TOGARAM2: variants seen among roughly 807,000 people sequenced by gnomAD.
TOGARAM2 encodes the protein TOG array regulator of axonemal microtubules protein 2.
Under a neutral mutation model 93.3 loss-of-function variants are expected in TOGARAM2, and 85 were observed. The observed-to-expected ratio is 0.91, with a 90% confidence interval of 0.76 to 1.09. The LOEUF (loss-of-function observed/expected upper bound fraction) is 1.09. Ranked by LOEUF, TOGARAM2 falls within the 50% of genes least tolerant of loss-of-function variation. The probability of loss-of-function intolerance (pLI) is 0.00; values close to 1 mark genes in which losing one functional copy is unlikely to be tolerated. For missense variants in TOGARAM2, 1,277 were observed against 1,334.5 expected (o/e 0.96, Z 0.67); for synonymous variants, 593 against 552.8 (o/e 1.07, Z -1.02).
chr2:29,002,456 C>G, intron 4 of TOGARAM2, 80 bp from the exon 5 acceptor site: 1 of 1,286,072 alleles, frequency 7.8e-7, no homozygotes, highest in Non-Finnish European at 1.1e-6. Flanking sequence ...GGCAGAAGGC[C>G]CCGTTGCTGG....
chr2:29,026,692 C>T (rs533238892), intron 13 of TOGARAM2, among the ~76,000 whole-genome samples, 161 bp from the exon 14 acceptor site: 18 of 152,282 alleles, frequency 1.2e-4, no homozygotes, highest in African/African-American at 4.3e-4. Flanking sequence ...AGTGAGTGCT[C>T]TTTCCTCAAA....
intron 1 of TOGARAM2, among the ~76,000 whole-genome samples, chr2:28,970,508 C>G (rs560477416): frequency 4.1e-4 from 62 of 152,342 alleles, no homozygotes; most frequent in African/African-American, 1.4e-3. Flanking sequence ...GGCCTGCTCT[C>G]TGGGGCTTGT....
intron 18 of TOGARAM2, among the ~76,000 whole-genome samples, chr2:29,037,680 A>G (rs937209079): frequency 6.6e-6 from 1 of 152,136 alleles, no homozygotes; most frequent in African/African-American, 2.4e-5. Context: ...TTCAGTTACA[A>G]ATCAAAGGCC....
chr2:28,999,327 G>A lies in TOGARAM2; in HGVS notation c.286G>A (p.Ala96Thr), dbSNP rs764907736. Residue 96 changes from alanine to threonine, a missense_variant, in exon 4 of 20, where the codon GCC (alanine) becomes ACC (threonine). Physicochemically the swap from Ala to Thr is moderately conservative, Grantham distance 58. Coordinates refer to ENST00000379558, the MANE Select transcript of TOGARAM2 (RefSeq NM_199280.4). ...GAATGGTCACCCCAGGAACCTCAGG[G>A]CCTTGTCTTTGGGGGACCAGCCCCT... ...ARNGHPRNLR[A>T]LSLGDQPLVL... 55 of 1,613,884 alleles carry A rather than the reference G, an allele frequency of 3.4e-5. No individual in the cohort carries two copies. In the Admixed American group the frequency reaches 5.8e-4, roughly 17 times the overall value.
At chr2:29,012,190 C>T (rs1334822027) in intron 7 of TOGARAM2, among the ~76,000 whole-genome samples, 1 of 152,134 alleles carries the variant, frequency 6.6e-6, no homozygotes, top group African/African-American at 2.4e-5. Flanking sequence ...GGTTGGGGAG[C>T]AGAACACCCC....
At chr2:29,002,405 A>C in intron 4 of TOGARAM2, 131 bp from the exon 5 acceptor site, 2 of 749,216 alleles carry the variant, frequency 2.7e-6, no homozygotes, top group Non-Finnish European at 4.4e-6. Context: ...GGGGTTGGGG[A>C]CAGATCTGAT....
chr2:28,989,643 G>A (rs1000630469), intron 1 of TOGARAM2, among the ~76,000 whole-genome samples: 1 of 152,170 alleles, frequency 6.6e-6, no homozygotes, highest in East Asian at 1.9e-4. Flanking sequence ...GAACTCAAGC[G>A]ATCTGCCAGC....
chr2:29,032,774 T>C lies in TOGARAM2; in HGVS notation c.2013-160T>C, dbSNP rs1398114723. ...TGGTAATGGGATTATAGATGATGTTTATTTTATTAATCTATTTTTTAACTG... is the reference window on the plus strand; with the variant it reads ...TGGTAATGGGATTATAGATGATGTTCATTTTATTAATCTATTTTTTAACTG... On this transcript the variant is annotated intron_variant, in intron 14 of 19. Coordinates refer to ENST00000379558, the MANE Select transcript of TOGARAM2 (RefSeq NM_199280.4). 5.0e-6 allele frequency: 3 copies of C among 594,876 alleles called. No homozygotes were observed. In the African/African-American group the frequency reaches 5.6e-5, roughly 11 times the overall value. 36.8% of individuals were successfully genotyped at this position (594,876 alleles called of 1,614,324 possible).
At chr2:29,026,209 G>C (rs1483981015) in intron 13 of TOGARAM2, among the ~76,000 whole-genome samples, 1 of 152,076 alleles carries the variant, frequency 6.6e-6, no homozygotes, top group African/African-American at 2.4e-5. Context: ...CCTCACCCCA[G>C]TACTGTTCTC....
intron 1 of TOGARAM2, among the ~76,000 whole-genome samples, chr2:28,975,956 TATATGTACAGGA>T (rs60362235): frequency 0.67 from 102,016 of 151,748 alleles, 35,295 homozygotes; most frequent in Admixed American, 0.74. Context: ...AAAATGACAA[TATATGTACAGGA>T]ATATGTACAT....
chr2:28,959,278 A>G (rs116526116), intron 1 of TOGARAM2, among the ~76,000 whole-genome samples: 1,571 of 152,312 alleles, frequency 0.01, 18 homozygotes, highest in South Asian at 0.057. Flanking sequence ...ATAGTGAAGT[A>G]ATAGCCAAAA....
At position 29,022,258 on chromosome 2, in the gene TOGARAM2, C is replaced by T. The variant is rs1265751267; in HGVS notation, c.1461C>T (p.Asn487=). The change falls in exon 11 of 20, where the codon AAC becomes AAT. Residue 487 remains asparagine (N), a synonymous_variant. Coordinates refer to ENST00000379558, the MANE Select transcript of TOGARAM2 (RefSeq NM_199280.4). The part of the protein sequence containing the change: ...RACKELRPFS[N]PELGLRDALQ... ...GTAAGGAGTTGAGGCCTTTCTCGAACCCGGAGCTGGGGCTGAGGGATGCAC... is the reference window on the plus strand; with the variant it reads ...GTAAGGAGTTGAGGCCTTTCTCGAATCCGGAGCTGGGGCTGAGGGATGCAC... 2 of 1,613,910 alleles carry T rather than the reference C, an allele frequency of 1.2e-6. No individual in the cohort carries two copies. The highest frequency in any genetic ancestry group is 2.7e-5 in the African/African-American group (2 of 74,918).
At chr2:29,019,651 C>T (rs763184765) in intron 10 of TOGARAM2, among the ~76,000 whole-genome samples, 5 of 152,112 alleles carry the variant, frequency 3.3e-5, no homozygotes, top group Admixed American at 6.5e-5. Context: ...TTATGTTTGG[C>T]AGGTGAGCGG....
chr2:29,036,740 C>T lies in TOGARAM2; in HGVS notation c.2618C>T (p.Ala873Val), dbSNP rs150485801. Residue 873 changes from alanine to valine, a missense_variant, in exon 18 of 20, where the codon GCG becomes GTG. Coordinates refer to ENST00000379558, the MANE Select transcript of TOGARAM2 (RefSeq NM_199280.4). The stretch of plus-strand genomic sequence containing the variant: ...GCTGCTGCCGTGGCTGTGCTGGATG[C>T]GATGGTTGAGAGCCTGGGTGAGTGT... ...IYAAAVAVLD[A>V]MVESLDNLCL... 7.2e-5 allele frequency: 116 copies of T among 1,613,248 alleles called. No homozygotes were observed. The highest frequency in any genetic ancestry group is 2.9e-4 in the South Asian group (26 of 90,902).
At chr2:29,015,146 T>C (rs1664482452) in intron 8 of TOGARAM2, among the ~76,000 whole-genome samples, 1 of 152,164 alleles carries the variant, frequency 6.6e-6, no homozygotes. Context: ...TCAAGAAGCA[T>C]ATCTTGAAGG....
At chr2:29,039,569 T>C in intron 18 of TOGARAM2, among the ~76,000 whole-genome samples, 1 of 152,206 alleles carries the variant, frequency 6.6e-6, no homozygotes, top group Non-Finnish European at 1.5e-5. Context: ...TTCCCCAGGC[T>C]GGGTGGGGTT....
chr2:29,028,409 T>C (rs1193528149), intron 14 of TOGARAM2, among the ~76,000 whole-genome samples: 1 of 152,186 alleles, frequency 6.6e-6, no homozygotes, highest in Non-Finnish European at 1.5e-5. Flanking sequence ...GTGGGTCAGA[T>C]GCATGTGTGT....
At chr2:28,984,746 C>T (rs1672387205) in intron 1 of TOGARAM2, among the ~76,000 whole-genome samples, 1 of 152,198 alleles carries the variant, frequency 6.6e-6, no homozygotes. Flanking sequence ...CAGCAGAAGA[C>T]TTCCAAGCCC....
At chr2:28,967,456 CAG>C (rs1671883061) in intron 1 of TOGARAM2, among the ~76,000 whole-genome samples, 1 of 152,052 alleles carries the variant, frequency 6.6e-6, no homozygotes, top group South Asian at 2.1e-4. Context: ...GCCTGGGTGA[CAG>C]AGAGAGATCC....
Sources: allele counts gnomAD v4.1 joint callset (sites outside exome capture counted in the v4.1 genomes callset), GRCh38; gene constraint gnomAD v4.1.1; transcripts MANE v1.5; gene names NCBI Gene and HGNC (gene_info 2026-07-23, HGNC 2026-07-21).